The following DMTN variants were observed in gnomAD, a reference collection of about 807,000 sequenced individuals.
DMTN encodes dematin actin binding protein, also known as dematin.
Under a neutral mutation model 59.4 loss-of-function variants are expected in DMTN, and 27 were observed. The observed-to-expected ratio is 0.45, with a 90% CI of 0.33 to 0.63. The LOEUF (loss-of-function observed/expected upper bound fraction) is 0.63. Ranked by LOEUF, DMTN falls within the 20% of genes least tolerant of loss-of-function variation. DMTN has a pLI of 0.02. For synonymous variants in DMTN, 221 were observed against 203.7 expected (o/e 1.08, Z -0.72); for missense variants, 451 against 528.9 (o/e 0.85, Z 1.45).
At chr8:22,079,145 C>G (rs1030979363) in intron 10 of DMTN, among the ~76,000 whole-genome samples, 2 of 150,930 alleles carry the variant, frequency 1.3e-5, no homozygotes, top group East Asian at 1.9e-4. Context: ...CATAGTGGCT[C>G]ACACCTATAA....
Position 22,066,769 on chromosome 8 carries a change from CG to C in DMTN, c.-105del. The stretch of plus-strand genomic sequence containing the variant: ...CGGGGGAACGCGCCAGCTGCTTTCG[CG>C]GCCCCAAGCGCGCAGCGCCCAGCAG... On this transcript the variant is annotated 5_prime_UTR_variant, in exon 2 of 16. The change abolishes the stop of an existing upstream ORF in the 5' untranslated region. Coordinates refer to ENST00000358242, the MANE Select transcript of DMTN (RefSeq NM_001387751.1). The C allele has an allele frequency of 7.9e-7, 1 of 1,262,150 alleles. No homozygotes were observed. Among genetic ancestry groups the C allele is most frequent in the Non-Finnish European group, 1.0e-6 (1 of 971,300 alleles). 78.2% of individuals were successfully genotyped at this position (1,262,150 alleles called of 1,614,324 possible).
At chr8:22,075,088 G>A (rs548262010) in intron 10 of DMTN, among the ~76,000 whole-genome samples, 115 of 151,718 alleles carry the variant, frequency 7.6e-4, no homozygotes, top group Middle Eastern at 3.4e-3. Context: ...TCAGGAGGCC[G>A]AGGCAGGAGA....
At chr8:22,078,762 T>A (rs7386325) in intron 10 of DMTN, among the ~76,000 whole-genome samples, 1 of 147,240 alleles carries the variant, frequency 6.8e-6, no homozygotes, top group East Asian at 2.0e-4. Context: ...TGACAGTGCT[T>A]AGAACATGAC....
upstream of DMTN, among the ~76,000 whole-genome samples, chr8:22,054,162 G>T (rs559494716): frequency 2.1e-5 from 3 of 145,304 alleles, no homozygotes; most frequent in South Asian, 6.3e-4. Flanking sequence ...GCAGCAAAAT[G>T]ACCTTGGCAG....
chr8:22,057,357 T>G (rs759938323), intron 1 of DMTN, among the ~76,000 whole-genome samples: 5 of 152,064 alleles, frequency 3.3e-5, no homozygotes, highest in Non-Finnish European at 7.4e-5. Flanking sequence ...ATCCCAAGGA[T>G]GAGAACTGCT....
intron 8 of DMTN, among the ~76,000 whole-genome samples, chr8:22,070,670 G>A (rs1039978862): frequency 6.6e-6 from 1 of 152,196 alleles, no homozygotes; most frequent in Non-Finnish European, 1.5e-5. Flanking sequence ...GGTCCCCAGC[G>A]AATTTTATTT....
At position 22,081,174 on chromosome 8, in the gene DMTN, T is replaced by C; in HGVS notation, c.1085T>C (p.Val362Ala). Residue 362 changes from valine to alanine, a missense_variant, in exon 15 of 16, where the codon GTG (valine) becomes GCG (alanine). Val to Ala is a moderately conservative substitution (Grantham distance 64). Transcript: ENST00000358242. ...NKGRTKLPPG[V>A]DRMRLERHLS... ...GGGCGAACCAAGCTGCCACCGGGGG[T>C]GGATCGGATGCGGCTTGAGGTAGGC... The C allele has an allele frequency of 6.5e-7, 1 of 1,539,136 alleles. No individual in the cohort carries two copies. The highest frequency in any genetic ancestry group is 8.8e-7 in the Non-Finnish European group (1 of 1,138,858).
intron 4 of DMTN, 44 bp downstream of exon 4, chr8:22,067,726 C>A (rs149964975): frequency 1.2e-6 from 2 of 1,604,670 alleles, no homozygotes; most frequent in Admixed American, 1.7e-5. Flanking sequence ...GAGGCCCCCC[C>A]CAGCCACACT....
intron 10 of DMTN, among the ~76,000 whole-genome samples, chr8:22,074,193 A>C (rs1817995404): frequency 1.3e-5 from 2 of 152,162 alleles, no homozygotes; most frequent in South Asian, 4.1e-4. Context: ...TATTGTGATC[A>C]AGGTGCGCGG....
At chr8:22,077,798 T>A (rs1266216570) in intron 10 of DMTN, among the ~76,000 whole-genome samples, 1 of 152,160 alleles carries the variant, frequency 6.6e-6, no homozygotes, top group Non-Finnish European at 1.5e-5. Context: ...GTCATTCTGA[T>A]TAAATGGTGA....
At chr8:22,069,316 C>A in intron 5 of DMTN, 103 bp from the exon 6 acceptor site, 1 of 1,070,990 alleles carries the variant, frequency 9.3e-7, no homozygotes, top group Non-Finnish European at 1.3e-6. Context: ...AGGGATGCAG[C>A]CGGCCAGGAT....
At chr8:22,067,501 AG>A (rs769135442) in intron 3 of DMTN, 25 bp from the exon 4 acceptor site, 2 of 1,613,554 alleles carry the variant, frequency 1.2e-6, no homozygotes, top group East Asian at 4.5e-5. Flanking sequence ...TCGGCACAGC[AG>A]TTTCACGCGC....
In DMTN at chr8:22,073,875, GA is replaced by G. The variant is rs749854963; in HGVS notation, c.835+41del. The G allele has an allele frequency of 2.1e-4, 331 of 1,541,632 alleles. 1 individual carries two copies. Among genetic ancestry groups the G allele is most frequent in the Non-Finnish European group, 2.5e-4 (280 of 1,114,620 alleles). On this transcript the variant is annotated intron_variant, in intron 10 of 15. Coordinates refer to ENST00000358242, the MANE Select transcript of DMTN (RefSeq NM_001387751.1). ...GGGGGCTCAGAGTCACCTGGCCAGA[GA>G]TGGAGGCCTGACTCTGTGCATCTGT...
At chr8:22,068,961 G>C (rs1812955017) in intron 4 of DMTN, 55 bp from the exon 5 acceptor site, 2 of 1,594,082 alleles carry the variant, frequency 1.3e-6, no homozygotes, top group Admixed American at 1.7e-5. Flanking sequence ...TGGAATTCTA[G>C]GGAAGAGGCT....
chr8:22,080,978 G>A, intron 14 of DMTN, 108 bp downstream of exon 14: 1 of 1,486,572 alleles, frequency 6.7e-7, no homozygotes, highest in South Asian at 1.3e-5. Flanking sequence ...TGGGAGGGAT[G>A]GCAGGGAAGT....
intron 1 of DMTN, among the ~76,000 whole-genome samples, chr8:22,064,801 A>G (rs1261289144): frequency 5.9e-5 from 9 of 152,002 alleles, no homozygotes. Flanking sequence ...TAGAATTCCA[A>G]ACAGACTTGA....
chr8:22,067,162 G>A lies in DMTN; in HGVS notation c.93+3G>A. On this transcript the variant is annotated splice_donor_region_variant and intron_variant, in intron 3 of 15. Coordinates refer to ENST00000358242, the MANE Select transcript of DMTN (RefSeq NM_001387751.1). ...CTGGCTCTCCCTCCAGCATCGTGGT[G>A]AGTACCCCTCTCGGCCACCAGCAAC... 6.2e-7 allele frequency: 1 copy of A among 1,610,040 alleles called. No homozygotes were observed. The highest frequency in any genetic ancestry group is 2.3e-5 in the East Asian group (1 of 44,074).
rs947679672 is a variant in DMTN, at chr8:22,058,019, A to G, written c.-172+883A>G. 6.6e-6 allele frequency: 1 copy of G among 152,380 alleles called. No individual in the cohort carries two copies. Among genetic ancestry groups the G allele is most frequent in the Admixed American group, 6.5e-5 (1 of 15,282 alleles). The allele number at this position is 152,380 out of a possible 1,614,324, so 9.4% of individuals were successfully genotyped here. Reference sequence around the variant, plus strand: ...GTACACGTGCACTACTCTGGGATGGATGCCAGGGAGAGGACCGGTGGGTGG... The same window carrying G: ...GTACACGTGCACTACTCTGGGATGGGTGCCAGGGAGAGGACCGGTGGGTGG... On this transcript the variant is annotated intron_variant, in intron 1 of 15. Transcript: ENST00000358242. This position sits in a 1 kb window ranked among gnomAD's most constrained non-coding sequence, Gnocchi z 4.3.
At chr8:22,076,600 G>A (rs961561561) in intron 10 of DMTN, among the ~76,000 whole-genome samples, 1 of 151,480 alleles carries the variant, frequency 6.6e-6, no homozygotes, top group Admixed American at 6.6e-5. Flanking sequence ...ATATGTGTGT[G>A]TGTATATATA....
Sources: gnomAD v4.1 joint callset for allele counts (sites outside exome capture counted in the v4.1 genomes callset) on GRCh38, gnomAD v4.1.1 for gene constraint, Gnocchi (gnomAD v3.1) non-coding constraint, MANE v1.5 for transcripts, NCBI Gene and HGNC (gene_info 2026-07-23, HGNC 2026-07-21) for gene names.